The following VPS13B variants were observed in gnomAD, a reference collection of about 807,000 sequenced individuals.
The protein encoded by VPS13B is intermembrane lipid transfer protein VPS13B.
In VPS13B, 285 loss-of-function variants were observed where a neutral mutation model predicts 426.4. The ratio of observed to expected loss-of-function variants is 0.67; its 90% CI spans 0.61 to 0.74. VPS13B has a LOEUF of 0.74. Among genes scored for constraint, VPS13B ranks in the 30% least tolerant of loss-of-function variants. The pLI is 0.00. For synonymous variants in VPS13B, 1,676 were observed against 1,676.4 expected (o/e 1.00, Z 0.01); for missense variants, 4,537 against 4,782.6 (o/e 0.95, Z 1.51).
chr8:99,125,088 G>A (rs558212512), intron 8 of VPS13B, among the ~76,000 whole-genome samples: 2 of 152,098 alleles, frequency 1.3e-5, no homozygotes, highest in Non-Finnish European at 2.9e-5. Flanking sequence ...TGACTCACAC[G>A]ATCACAAGGT....
intron 19 of VPS13B, among the ~76,000 whole-genome samples, chr8:99,321,210 C>CTTTTTTTTTTTTTTTTT (rs58817658): frequency 1.1e-5 from 1 of 93,994 alleles, no homozygotes; most frequent in Non-Finnish European, 2.2e-5. Context: ...TTTTCTTTTT[C>CTTTTTTTTTTTTTTTTT]TTTTTTTTTT....
At chr8:99,278,935 A>G (rs1041732828) in intron 19 of VPS13B, among the ~76,000 whole-genome samples, 1 of 152,204 alleles carries the variant, frequency 6.6e-6, no homozygotes, top group African/African-American at 2.4e-5. Context: ...TTCTGTATTT[A>G]TGGTTATTTT....
intron 2 of VPS13B, among the ~76,000 whole-genome samples, chr8:99,028,201 A>G (rs891585917): frequency 2.6e-5 from 4 of 151,786 alleles, no homozygotes; most frequent in African/African-American, 9.7e-5. Flanking sequence ...CATTGTCATC[A>G]TGACCCATCC....
intron 31 of VPS13B, among the ~76,000 whole-genome samples, chr8:99,565,707 A>G (rs954303783): frequency 6.6e-6 from 1 of 152,150 alleles, no homozygotes; most frequent in Non-Finnish European, 1.5e-5. Flanking sequence ...CCAGAATTGC[A>G]TCTGGAATTG....
chr8:99,075,700 T>C (rs1371828859), intron 3 of VPS13B, among the ~76,000 whole-genome samples: 2 of 152,220 alleles, frequency 1.3e-5, no homozygotes, highest in Non-Finnish European at 2.9e-5. Context: ...TAGTGACCCT[T>C]TGTCATTTTG....
intron 22 of VPS13B, among the ~76,000 whole-genome samples, chr8:99,440,393 T>C (rs1351985875): frequency 2.0e-5 from 3 of 152,090 alleles, no homozygotes; most frequent in Non-Finnish European, 2.9e-5. Flanking sequence ...CTTACATTAA[T>C]TCAGAATTTA....
Position 99,832,349 on chromosome 8 carries a change from T to A in VPS13B, c.9331-20T>A. 1 of 1,455,910 alleles carries A rather than the reference T, an allele frequency of 6.9e-7. No individual in the cohort carries two copies. Among genetic ancestry groups the A allele is most frequent in the Non-Finnish European group, 9.0e-7 (1 of 1,109,584 alleles). The allele number at this position is 1,455,910 out of a possible 1,614,324, so 90.2% of individuals were successfully genotyped here. A position where few individuals can be genotyped will look rare whatever the true frequency, so the allele number is the denominator to read the frequency against. The stretch of plus-strand genomic sequence containing the variant: ...GCTAATGTGCTCTCTGCATTTTTTT[T>A]TTTTTTTTTTTTTTTTTAGTATTTT... On this transcript the variant is annotated intron_variant, in intron 51 of 61. Transcript: ENST00000357162.
At chr8:99,407,662 G>T (rs1213789967) in intron 21 of VPS13B, among the ~76,000 whole-genome samples, 3 of 150,898 alleles carry the variant, frequency 2.0e-5, no homozygotes, top group African/African-American at 7.3e-5. Flanking sequence ...TAATTAATTA[G>T]TTTATTTTTT....
At chr8:99,376,207 G>GT (rs1158455158) in intron 19 of VPS13B, among the ~76,000 whole-genome samples, 1 of 152,166 alleles carries the variant, frequency 6.6e-6, no homozygotes, top group Admixed American at 6.5e-5. Context: ...AAATTTTAGT[G>GT]ATCTATGGTG....
chr8:99,118,965 T>C (rs1260416695), intron 7 of VPS13B, among the ~76,000 whole-genome samples: 10 of 152,246 alleles, frequency 6.6e-5, no homozygotes, highest in Non-Finnish European at 1.5e-4. Context: ...CTTTTTTCAA[T>C]GTGGTTGTAC....
chr8:99,321,137 G>A (rs1809957135), intron 19 of VPS13B, among the ~76,000 whole-genome samples: 1 of 151,826 alleles, frequency 6.6e-6, no homozygotes, highest in African/African-American at 2.4e-5. Flanking sequence ...AATTTAGATT[G>A]GCTCAGATGA....
At chr8:99,033,245 T>C (rs1842601691) in intron 2 of VPS13B, among the ~76,000 whole-genome samples, 1 of 152,242 alleles carries the variant, frequency 6.6e-6, no homozygotes, top group Non-Finnish European at 1.5e-5. Context: ...TTTATTTGAG[T>C]ATATTTTAAT....
chr8:99,577,470 T>C lies in VPS13B; in HGVS notation c.5077-20T>C, dbSNP rs1228356152. The C allele has an allele frequency of 1.2e-6, 2 of 1,613,528 alleles. No individual in the cohort carries two copies. Among genetic ancestry groups the C allele is most frequent in the Admixed American group, 1.7e-5 (1 of 60,018 alleles). On this transcript the variant is annotated intron_variant, in intron 32 of 61. Transcript: ENST00000357162. ...AAGCTATCATGTTTCTTTATCTGTA[T>C]TCTACCGTTTTTGCTTCAGGAGATT...
At chr8:99,263,649 TCTGA>T (rs1818164273) in intron 17 of VPS13B, among the ~76,000 whole-genome samples, 1 of 152,222 alleles carries the variant, frequency 6.6e-6, no homozygotes, top group African/African-American at 2.4e-5. Flanking sequence ...CATCTCTTTC[TCTGA>T]CTCTTTTTTG....
chr8:99,727,747 C>A (rs999532136), intron 39 of VPS13B, among the ~76,000 whole-genome samples: 2 of 152,284 alleles, frequency 1.3e-5, no homozygotes, highest in Non-Finnish European at 2.9e-5. Flanking sequence ...CAGAGCCAAA[C>A]AGTATCAGGT....
Position 99,854,165 on chromosome 8 carries a change from G to T in VPS13B, c.10776G>T (p.Ser3592=), listed in dbSNP as rs547516730. 6.2e-7 allele frequency: 1 copy of T among 1,613,786 alleles called. No homozygotes were observed. The highest frequency in any genetic ancestry group is 8.5e-7 in the Non-Finnish European group (1 of 1,179,998). Residue 3592 remains serine (S), a synonymous_variant, in exon 56 of 62, where the codon TCG becomes TCT. Coordinates refer to ENST00000357162, the MANE Select transcript of VPS13B (RefSeq NM_152564.5). Reference sequence around the variant, plus strand: ...CAGACCACACTCCTCTCTCCTTCTCGGTGTTTGAAAGAGGACCCATCTTCA... The same window carrying T: ...CAGACCACACTCCTCTCTCCTTCTCTGTGTTTGAAAGAGGACCCATCTTCA... ...IASDHTPLSF[S]VFERGPIFTT... is the part of the protein sequence containing the mutation.
At chr8:99,337,831 C>G (rs527647019) in intron 19 of VPS13B, among the ~76,000 whole-genome samples, 260 of 151,988 alleles carry the variant, frequency 1.7e-3, no homozygotes, top group Non-Finnish European at 2.0e-3. Flanking sequence ...CCTCTAAAAG[C>G]CTTATAGTTT....
At chr8:99,283,840 T>C (rs1266003997) in intron 19 of VPS13B, among the ~76,000 whole-genome samples, 1 of 152,222 alleles carries the variant, frequency 6.6e-6, no homozygotes, top group Non-Finnish European at 1.5e-5. Context: ...TTAATCATAA[T>C]GCAAACAATT....
intron 33 of VPS13B, among the ~76,000 whole-genome samples, chr8:99,604,084 T>A (rs1195718465): frequency 6.6e-6 from 1 of 152,194 alleles, no homozygotes; most frequent in Non-Finnish European, 1.5e-5. Context: ...CAAATTTGGC[T>A]CTAAACTTCT....
Sources: gnomAD v4.1 joint callset for allele counts (sites outside exome capture counted in the v4.1 genomes callset) on GRCh38, gnomAD v4.1.1 for gene constraint, MANE v1.5 for transcripts, NCBI Gene and HGNC (gene_info 2026-07-23, HGNC 2026-07-21) for gene names.